Variants in SYT1 observed in about 807,000 individuals in gnomAD.
SYT1 encodes the protein synaptotagmin 1, also known as synaptotagmin-1.
Under a neutral mutation model 44.8 loss-of-function variants are expected in SYT1, and 8 were observed. The ratio of observed to expected loss-of-function variants is 0.18; its 90% confidence interval spans 0.10 to 0.32. SYT1 has a LOEUF of 0.32. Ranked by LOEUF, SYT1 falls within the 10% of genes least tolerant of loss-of-function variation. The probability of loss-of-function intolerance (pLI) is 1.00; values close to 1 mark genes in which losing one functional copy is unlikely to be tolerated. For synonymous variants in SYT1, 154 were observed against 188.8 expected, an observed-to-expected ratio of 0.82 and a Z score of 1.51; for missense variants, 286 against 509.3, an observed-to-expected ratio of 0.56 and a Z score of 4.22.
intron 8 of SYT1, among the ~76,000 whole-genome samples, chr12:79,311,688 A>T (rs1224291060): frequency 7.1e-6 from 1 of 141,138 alleles, no homozygotes; most frequent in Non-Finnish European, 1.5e-5. Flanking sequence ...CTATGCAGCC[A>T]TAAAAAATGA....
intron 8 of SYT1, among the ~76,000 whole-genome samples, chr12:79,340,990 T>C (rs1882346856): frequency 6.6e-6 from 1 of 152,220 alleles, no homozygotes; most frequent in Admixed American, 6.5e-5. Flanking sequence ...AATTTTATGT[T>C]GAATTTTTGT....
rs1242727140 is a variant in SYT1, at chr12:79,245,375, T to C, written c.166+27690T>C. The stretch of plus-strand genomic sequence containing the variant: ...CTGTAGTCCCAGCTACTCGGGAGTT[T>C]GAGGCAGGAGAATGGCGAGAACCCG... On this transcript the variant is annotated intron_variant, in intron 4 of 10. Transcript: ENST00000261205. 2.1e-5 allele frequency among the ~76,000 whole-genome samples: 3 copies of C among 146,000 alleles called. No homozygotes were observed. In the East Asian group the frequency reaches 6.0e-4, roughly 29 times the overall value.
chr12:78,868,146 C>A (rs1451931577), intron 1 of SYT1, among the ~76,000 whole-genome samples: 2 of 151,750 alleles, frequency 1.3e-5, no homozygotes, highest in African/African-American at 4.8e-5. Flanking sequence ...GTGCAACAAC[C>A]AAGAAGAGCT....
At chr12:78,877,656 T>A (rs999804458) in intron 1 of SYT1, among the ~76,000 whole-genome samples, 4 of 142,724 alleles carry the variant, frequency 2.8e-5, no homozygotes, top group African/African-American at 1.0e-4. Context: ...AATCTAACAA[T>A]GTATAACAGC....
chr12:78,931,527 A>G (rs1877753766), intron 1 of SYT1, among the ~76,000 whole-genome samples: 1 of 152,208 alleles, frequency 6.6e-6, no homozygotes, highest in South Asian at 2.1e-4. Flanking sequence ...CCATCTGCCC[A>G]TAGAATGCAG....
chr12:79,192,038 T>C (rs2138453655), intron 3 of SYT1, among the ~76,000 whole-genome samples: 1 of 152,286 alleles, frequency 6.6e-6, no homozygotes, highest in African/African-American at 2.4e-5. Context: ...CCCTTAACTT[T>C]AGATGTGTAT....
chr12:78,965,153 T>A (rs1190231548), intron 1 of SYT1, among the ~76,000 whole-genome samples: 2 of 152,194 alleles, frequency 1.3e-5, no homozygotes, highest in South Asian at 2.1e-4. Context: ...TTCACTTTAA[T>A]CTTCCTCTAT....
chr12:79,355,924 A>T (rs1286613785), intron 9 of SYT1, among the ~76,000 whole-genome samples: 1 of 152,138 alleles, frequency 6.6e-6, no homozygotes, highest in Non-Finnish European at 1.5e-5. Context: ...ATGTAGGGAA[A>T]CAGAAAAGAA....
chr12:79,196,398 C>T lies in SYT1; in HGVS notation c.-17-21105C>T, dbSNP rs565720846. Among the ~76,000 whole-genome samples, 94 of 152,160 alleles carry T rather than the reference C, an allele frequency of 6.2e-4. No individual in the cohort carries two copies. The South Asian group carries it at 0.018, about 30-fold the overall frequency. ...GGCCAGGATGGTCTCGATTTCTTGA[C>T]CTCGTGATCCGCCCTCCTCAGCCTC... On this transcript the variant is annotated intron_variant, in intron 3 of 10. Coordinates refer to ENST00000261205, the MANE Select transcript of SYT1 (RefSeq NM_005639.3).
At chr12:79,417,552 T>C (rs1868821764) in intron 9 of SYT1, among the ~76,000 whole-genome samples, 1 of 152,114 alleles carries the variant, frequency 6.6e-6, no homozygotes, top group Non-Finnish European at 1.5e-5. Context: ...GCCTCTCTCC[T>C]GTTTAAAATA....
chr12:79,075,995 A>G (rs2137925127), intron 3 of SYT1, among the ~76,000 whole-genome samples: 1 of 152,274 alleles, frequency 6.6e-6, no homozygotes, highest in South Asian at 2.1e-4. Context: ...ACAAGAGAAA[A>G]GCACACAGAT....
intron 8 of SYT1, among the ~76,000 whole-genome samples, chr12:79,328,628 C>T (rs1379829456): frequency 2.6e-5 from 4 of 152,066 alleles, no homozygotes; most frequent in African/African-American, 7.2e-5. Context: ...GGGCAGATCA[C>T]GAGGTTAGGA....
At position 79,017,648 on chromosome 12, in the gene SYT1, T is replaced by C. The variant is rs183485959; in HGVS notation, c.-83-29649T>C. 3.0e-3 allele frequency among the ~76,000 whole-genome samples: 452 copies of C among 152,064 alleles called. 1 individual carries two copies. Among genetic ancestry groups the C allele is most frequent in the South Asian group, 9.1e-3 (44 of 4,830 alleles). Reference sequence around the variant, plus strand: ...AGAACATGTAAGAGTTGGGAGCCAATGTTGGAGGAAGAGGTTGGAAATATA... The same window carrying C: ...AGAACATGTAAGAGTTGGGAGCCAACGTTGGAGGAAGAGGTTGGAAATATA... On this transcript the variant is annotated intron_variant, in intron 2 of 10. Coordinates refer to ENST00000261205, the MANE Select transcript of SYT1 (RefSeq NM_005639.3).
intron 9 of SYT1, among the ~76,000 whole-genome samples, chr12:79,368,763 A>G (rs1175655720): frequency 6.6e-6 from 1 of 151,354 alleles, no homozygotes; most frequent in East Asian, 1.9e-4. Flanking sequence ...TTTTCTTGTA[A>G]ATTTGTTTGA....
intron 3 of SYT1, among the ~76,000 whole-genome samples, chr12:79,065,493 G>A (rs1245229158): frequency 2.0e-5 from 3 of 152,010 alleles, no homozygotes; most frequent in Non-Finnish European, 4.4e-5. Flanking sequence ...CCATACATTT[G>A]AATATCAAAT....
Position 79,025,710 on chromosome 12 carries a change from CT to C in SYT1, c.-83-21585del, listed in dbSNP as rs1185864884. ...AGGCTCTGTATTTTGTTCTTCAGTA[CT>C]TGTAATGTATGCATTCATATATATG... On this transcript the variant is annotated intron_variant, in intron 2 of 10. Transcript: ENST00000261205. Among the ~76,000 whole-genome samples, 9 of 151,432 alleles carry C rather than the reference CT, an allele frequency of 5.9e-5. No homozygotes were observed. The East Asian group carries it at 1.8e-3, about 30-fold the overall frequency.
chr12:79,053,536 T>C (rs886454245), intron 3 of SYT1, among the ~76,000 whole-genome samples: 4 of 149,612 alleles, frequency 2.7e-5, no homozygotes, highest in African/African-American at 9.8e-5. Flanking sequence ...AATTCTTATA[T>C]ATATTATATA....
Position 79,190,751 on chromosome 12 carries a change from T to A in SYT1, c.-17-26752T>A, listed in dbSNP as rs146277249. Among the ~76,000 whole-genome samples the A allele has an allele frequency of 2.9e-3, 435 of 152,240 alleles. 2 individuals carry two copies. Among genetic ancestry groups the A allele is most frequent in the African/African-American group, 9.9e-3 (411 of 41,562 alleles). On this transcript the variant is annotated intron_variant, in intron 3 of 10. Coordinates refer to ENST00000261205, the MANE Select transcript of SYT1 (RefSeq NM_005639.3). The stretch of plus-strand genomic sequence containing the variant: ...ATGGATTGATGGAGTTAAAAAGCTT[T>A]TCATTAGTTCTGTTAGCAAGGCTAA...
At chr12:78,951,719 C>G (rs1433077599) in intron 1 of SYT1, among the ~76,000 whole-genome samples, 1 of 152,132 alleles carries the variant, frequency 6.6e-6, no homozygotes, top group Non-Finnish European at 1.5e-5. Flanking sequence ...ACAAGTTAGT[C>G]AACCTACCAG....
Sources: gnomAD v4.1 joint callset for allele counts (sites outside exome capture counted in the v4.1 genomes callset) on GRCh38, gnomAD v4.1.1 for gene constraint, MANE v1.5 for transcripts, NCBI Gene and HGNC (gene_info 2026-07-23, HGNC 2026-07-21) for gene names.